SPATA22: variants seen among roughly 807,000 people sequenced by gnomAD.
SPATA22 encodes spermatogenesis associated 22.
SPATA22 carries 29 observed loss-of-function variants against 47.8 expected under a neutral mutation model. The observed-to-expected ratio is 0.61, with a 90% confidence interval of 0.45 to 0.83. The LOEUF (loss-of-function observed/expected upper bound fraction) is 0.83. Ranked by LOEUF, SPATA22 falls within the 40% of genes least tolerant of loss-of-function variation. SPATA22 has a pLI of 0.00. For missense variants in SPATA22, 410 were observed against 421.7 expected, an observed-to-expected ratio of 0.97 and a Z score of 0.24; for synonymous variants, 133 against 140.9, an observed-to-expected ratio of 0.94 and a Z score of 0.40.
At chr17:3,470,729 C>T (rs199874267) in intron 1 of SPATA22, among the ~76,000 whole-genome samples, 3 of 147,804 alleles carry the variant, frequency 2.0e-5, no homozygotes, top group South Asian at 2.2e-4. Flanking sequence ...CCAGCCTGGG[C>T]GACAGAGCGA....
chr17:3,455,999 G>T (rs1035102213), intron 5 of SPATA22, among the ~76,000 whole-genome samples: 1 of 152,172 alleles, frequency 6.6e-6, no homozygotes, highest in African/African-American at 2.4e-5. Context: ...TCTCCTTGAA[G>T]AGGTCCTTCA....
chr17:3,443,296 A>G (rs766486618), intron 7 of SPATA22, 25 bp from the exon 8 acceptor site: 8 of 1,514,144 alleles, frequency 5.3e-6, no homozygotes, highest in Non-Finnish European at 7.2e-6. Flanking sequence ...AATGGGGGAA[A>G]AAATGAATGT....
At chr17:3,494,596 A>T (rs1285610052) in intron 1 of SPATA22, 1 of 757,778 alleles carries the variant, frequency 1.3e-6, no homozygotes, top group Non-Finnish European at 2.3e-6. Flanking sequence ...GATAGGGAAG[A>T]TGTTCGGACT....
At chr17:3,447,568 CA>C (rs1437547515) in intron 6 of SPATA22, among the ~76,000 whole-genome samples, 1 of 151,994 alleles carries the variant, frequency 6.6e-6, no homozygotes, top group Non-Finnish European at 1.5e-5. Context: ...TTATTTCCAA[CA>C]AAAAACAAAA....
intron 1 of SPATA22, among the ~76,000 whole-genome samples, chr17:3,508,463 C>T (rs71368142): frequency 0.17 from 26,130 of 150,314 alleles, 2,551 homozygotes; most frequent in Middle Eastern, 0.28. Flanking sequence ...ATGTTTATTG[C>T]GGCACTATTC....
At chr17:3,461,469 T>TC (rs2073124204) in intron 5 of SPATA22, among the ~76,000 whole-genome samples, 1 of 152,200 alleles carries the variant, frequency 6.6e-6, no homozygotes, top group African/African-American at 2.4e-5. Flanking sequence ...TACCTAATTA[T>TC]CTGTCTAATG....
intron 1 of SPATA22, among the ~76,000 whole-genome samples, chr17:3,492,128 C>T (rs1479811059): frequency 3.3e-5 from 5 of 152,140 alleles, no homozygotes; most frequent in Admixed American, 1.3e-4. Context: ...CTGCCTGCCT[C>T]GGCTTCCCAA....
chr17:3,442,433 C>T (rs2072618438), intron 8 of SPATA22, among the ~76,000 whole-genome samples: 2 of 151,888 alleles, frequency 1.3e-5, no homozygotes, highest in Non-Finnish European at 2.9e-5. Flanking sequence ...AGAATTGAGG[C>T]CAATGTCAGA....
At chr17:3,466,449 A>G (rs1038949235) in intron 3 of SPATA22, among the ~76,000 whole-genome samples, 1 of 152,140 alleles carries the variant, frequency 6.6e-6, no homozygotes, top group African/African-American at 2.4e-5. Context: ...CCAGGATTTC[A>G]GTGGCCTTAC....
rs1329423664 is a variant in SPATA22, at chr17:3,499,142, T to C, written c.-74+14270A>G. 17 of 1,561,200 alleles carry C rather than the reference T, an allele frequency of 1.1e-5. 1 individual carries two copies. The highest frequency in any genetic ancestry group is 4.6e-5 in the South Asian group (4 of 86,258). On this transcript the variant is annotated intron_variant, in intron 1 of 8. Coordinates refer to the SPATA22 transcript ENST00000541913. ...GTGTCTTACAAATTCTGCTAGTCTG[T>C]AAGCTCCTTAAGAGTAGGGTTGTGC...
intron 1 of SPATA22, among the ~76,000 whole-genome samples, chr17:3,508,897 TAA>T (rs59201485): frequency 0.081 from 9,167 of 112,562 alleles, 187 homozygotes; most frequent in African/African-American, 0.096. Flanking sequence ...GCTTAAAGTA[TAA>T]AAAAAAAAAA....
rs1043861780 is a variant in SPATA22 at position 3,490,165 on chromosome 17, T to C, written c.-73-20767A>G. 3.9e-5 allele frequency among the ~76,000 whole-genome samples: 6 copies of C among 152,174 alleles called. No homozygotes were observed. Among genetic ancestry groups the C allele is most frequent in the African/African-American group, 1.4e-4 (6 of 41,442 alleles). On this transcript the variant is annotated intron_variant, in intron 1 of 8. Coordinates refer to the SPATA22 transcript ENST00000541913. This position sits in a 1 kb window ranked among gnomAD's most constrained non-coding sequence, Gnocchi z 4.6. ...AACACACCAAACTGATAACAATAGTTACCGGGGACGGGAGGCAAAACCCAG... is the reference window on the plus strand; with the variant it reads ...AACACACCAAACTGATAACAATAGTCACCGGGGACGGGAGGCAAAACCCAG...
At position 3,481,697 on chromosome 17, in the gene SPATA22, A is replaced by G. The variant is rs181347986; in HGVS notation, c.-73-12299T>C. 8 of 1,613,886 alleles carry G rather than the reference A, an allele frequency of 5.0e-6. No homozygotes were observed. In the East Asian group the frequency reaches 8.9e-5, roughly 18 times the overall value. The stretch of plus-strand genomic sequence containing the variant: ...AAAAGACAGTGAAGATTCCTATGAC[A>G]TTATTTTTGACCTTCACAACACCAC... On this transcript the variant is annotated intron_variant, in intron 1 of 8. Transcript: ENST00000541913.
rs375515697 is a variant in SPATA22 at position 3,494,337 on chromosome 17, G to C, written c.-74+19075C>G. ...TTTTTAGTTGCCATTGATACATATTGTTTTTGTCATAGGAAAAGAATTTCC... is the reference window on the plus strand; with the variant it reads ...TTTTTAGTTGCCATTGATACATATTCTTTTTGTCATAGGAAAAGAATTTCC... On this transcript the variant is annotated intron_variant, in intron 1 of 8. Transcript: ENST00000541913. The C allele has an allele frequency of 1.6e-5, 25 of 1,579,858 alleles. No individual in the cohort carries two copies. In the African/African-American group the frequency reaches 3.0e-4, roughly 19 times the overall value.
chr17:3,489,203 A>T, intron 1 of SPATA22: 2 of 1,269,448 alleles, frequency 1.6e-6, no homozygotes, highest in Non-Finnish European at 2.3e-6. Flanking sequence ...TCATACTTAT[A>T]TAAATGTGAC....
chr17:3,491,976 C>T (rs2073834336), intron 1 of SPATA22, among the ~76,000 whole-genome samples: 1 of 149,412 alleles, frequency 6.7e-6, no homozygotes, highest in Non-Finnish European at 1.5e-5. Context: ...TTCCTGGGCT[C>T]AAGCAATCCT....
chr17:3,476,169 T>G, upstream of SPATA22: 3 of 1,613,770 alleles, frequency 1.9e-6, no homozygotes, highest in Non-Finnish European at 2.5e-6. Context: ...AATGACTTCT[T>G]GTCACATTGC....
At chr17:3,464,116 G>A (rs1173471471) in intron 3 of SPATA22, among the ~76,000 whole-genome samples, 2 of 151,876 alleles carry the variant, frequency 1.3e-5, no homozygotes, top group East Asian at 1.9e-4. Context: ...GAGTGCCTGC[G>A]ATTGCAGGCG....
intron 1 of SPATA22, among the ~76,000 whole-genome samples, chr17:3,479,481 A>G (rs2073590101): frequency 6.6e-6 from 1 of 152,220 alleles, no homozygotes; most frequent in African/African-American, 2.4e-5. Context: ...GTTCACAAAT[A>G]ATAAGTCCAG....
Sources: allele counts gnomAD v4.1 joint callset (sites outside exome capture counted in the v4.1 genomes callset), GRCh38; gene constraint gnomAD v4.1.1; non-coding constraint Gnocchi (gnomAD v3.1); transcripts MANE v1.5; gene names NCBI Gene and HGNC (gene_info 2026-07-23, HGNC 2026-07-21).